Variants in CDK19 observed in about 807,000 individuals in gnomAD.
CDK19 encodes cyclin dependent kinase 19.
CDK19 carries 20 observed loss-of-function variants against 68.3 expected under a neutral mutation model. The ratio of observed to expected loss-of-function variants is 0.29; its 90% CI spans 0.21 to 0.43. CDK19 has a LOEUF of 0.43. Among genes scored for constraint, CDK19 ranks in the 20% least tolerant of loss-of-function variants. CDK19 has a pLI of 1.00. For missense variants in CDK19, 339 were observed against 623.5 expected, an observed-to-expected ratio of 0.54 and a Z score of 4.86; for synonymous variants, 221 against 222.8, an observed-to-expected ratio of 0.99 and a Z score of 0.07.
intron 2 of CDK19, among the ~76,000 whole-genome samples, chr6:110,696,981 T>A (rs1275400482): frequency 6.6e-6 from 1 of 150,542 alleles, no homozygotes; most frequent in Non-Finnish European, 1.5e-5. Flanking sequence ...ATTGCTTGAA[T>A]CCAGGAGGTG....
intron 2 of CDK19, among the ~76,000 whole-genome samples, chr6:110,721,470 G>A (rs111699793): frequency 1.1e-4 from 16 of 152,042 alleles, no homozygotes; most frequent in African/African-American, 2.7e-4. Flanking sequence ...TTGTGGGGGC[G>A]CAAATTCAAG....
intron 1 of CDK19, among the ~76,000 whole-genome samples, chr6:110,766,742 G>A (rs1355235927): frequency 6.6e-6 from 1 of 152,174 alleles, no homozygotes; most frequent in East Asian, 1.9e-4. Flanking sequence ...GCTCATGCCT[G>A]TAATCGCAGC....
rs1777987218 is a variant in CDK19, at chr6:110,610,852, T to C, written c.*3683A>G. 6.6e-6 allele frequency: 1 copy of C among 152,216 alleles called. No homozygotes were observed. Among genetic ancestry groups the C allele is most frequent in the African/African-American group, 2.4e-5 (1 of 41,452 alleles). The allele number at this position is 152,216 out of a possible 1,614,324, so 9.4% of individuals were successfully genotyped here. On this transcript the variant is annotated 3_prime_UTR_variant, in exon 13 of 13. Coordinates refer to ENST00000368911, the MANE Select transcript of CDK19 (RefSeq NM_015076.5). ...CATGTCTTATTTTCCAACTATTTTT[T>C]TCTTTTCTTTTACCTTTAGCAGAGA...
intron 2 of CDK19, among the ~76,000 whole-genome samples, chr6:110,738,355 CAA>C (rs200305300): frequency 1.3e-4 from 16 of 127,768 alleles, no homozygotes; most frequent in African/African-American, 3.2e-4. Context: ...GCTAAAAATA[CAA>C]AAAAAAAAAA....
chr6:110,779,556 T>C (rs1780649815), intron 1 of CDK19, among the ~76,000 whole-genome samples: 1 of 152,140 alleles, frequency 6.6e-6, no homozygotes, highest in Non-Finnish European at 1.5e-5. Flanking sequence ...GACTAGGGCA[T>C]AAAGAAGAAC....
chr6:110,774,266 TTA>T (rs1165674182), intron 1 of CDK19, among the ~76,000 whole-genome samples: 9 of 152,206 alleles, frequency 5.9e-5, no homozygotes, highest in African/African-American at 2.2e-4. Context: ...ACTTTTTAAA[TTA>T]TGTGAGAGCC....
chr6:110,664,358 T>C (rs548533734), intron 4 of CDK19, among the ~76,000 whole-genome samples: 3 of 152,204 alleles, frequency 2.0e-5, no homozygotes, highest in East Asian at 1.9e-4. Context: ...TGGCCTTGCA[T>C]AGATTCAGTC....
At chr6:110,624,000 A>G (rs1474956205) in intron 8 of CDK19, among the ~76,000 whole-genome samples, 1 of 151,144 alleles carries the variant, frequency 6.6e-6, no homozygotes, top group East Asian at 1.9e-4. Flanking sequence ...GTACATTTTT[A>G]TACATTCACA....
intron 2 of CDK19, among the ~76,000 whole-genome samples, chr6:110,689,253 T>C (rs60024840): frequency 0.16 from 23,860 of 152,030 alleles, 2,090 homozygotes; most frequent in East Asian, 0.32. Flanking sequence ...CTGCTTTCCT[T>C]GCATGCAGGG....
intron 1 of CDK19, chr6:110,814,757 G>A (rs1194468138): frequency 1.2e-5 from 8 of 649,738 alleles, no homozygotes; most frequent in Admixed American, 1.0e-4. Context: ...AGCACTCGGA[G>A]GGCGCCCCTC....
Position 110,613,392 on chromosome 6 carries a change from T to C in CDK19, c.*1143A>G, listed in dbSNP as rs1308695200. The C allele has an allele frequency of 6.6e-6, 1 of 152,640 alleles. No homozygotes were observed. The highest frequency in any genetic ancestry group is 2.4e-5 in the African/African-American group (1 of 41,452). 9.5% of individuals were successfully genotyped at this position (152,640 alleles called of 1,614,324 possible). ...GCATACATAATACATACTTTAAACA[T>C]GAATAAAACCTAAATTTTTAACATG... On this transcript the variant is annotated 3_prime_UTR_variant, in exon 13 of 13. Coordinates refer to ENST00000368911, the MANE Select transcript of CDK19 (RefSeq NM_015076.5).
intron 2 of CDK19, among the ~76,000 whole-genome samples, chr6:110,695,520 T>C (rs1773402195): frequency 1.3e-5 from 2 of 151,890 alleles, no homozygotes; most frequent in African/African-American, 2.4e-5. Context: ...CTAAATAAAA[T>C]TGAAACAAAA....
intron 1 of CDK19, among the ~76,000 whole-genome samples, chr6:110,798,362 T>C (rs1782095402): frequency 6.6e-6 from 1 of 152,138 alleles, no homozygotes; most frequent in South Asian, 2.1e-4. Flanking sequence ...TGATGGCTCC[T>C]GCCTGTGATC....
intron 2 of CDK19, among the ~76,000 whole-genome samples, chr6:110,674,838 G>A (rs1402403192): frequency 6.6e-6 from 1 of 151,454 alleles, no homozygotes; most frequent in Non-Finnish European, 1.5e-5. Flanking sequence ...GGAGGCAGAG[G>A]TTGCAGTGAG....
chr6:110,713,607 G>A (rs934194108), intron 2 of CDK19, among the ~76,000 whole-genome samples: 1 of 151,898 alleles, frequency 6.6e-6, no homozygotes, highest in African/African-American at 2.4e-5. Context: ...TGTTGCCCAG[G>A]CTGATTTCTA....
intron 9 of CDK19, among the ~76,000 whole-genome samples, 176 bp from the exon 10 acceptor site, chr6:110,623,088 G>A (rs184572134): frequency 6.6e-6 from 1 of 152,264 alleles, no homozygotes; most frequent in Non-Finnish European, 1.5e-5. Context: ...CAGCATTAAA[G>A]CCCTTATAAA....
intron 2 of CDK19, among the ~76,000 whole-genome samples, chr6:110,741,903 A>G (rs1777706051): frequency 6.6e-6 from 1 of 152,240 alleles, no homozygotes; most frequent in South Asian, 2.1e-4. Flanking sequence ...TTGCTGGTAT[A>G]CCTGATATAC....
Position 110,724,579 on chromosome 6 carries a change from G to T in CDK19, c.204+21547C>A, listed in dbSNP as rs1168364376. Among the ~76,000 whole-genome samples the T allele has an allele frequency of 2.6e-5, 4 of 152,080 alleles. No homozygotes were observed. The East Asian group carries it at 7.7e-4, about 29-fold the overall frequency. On this transcript the variant is annotated intron_variant, in intron 2 of 12. Coordinates refer to ENST00000368911, the MANE Select transcript of CDK19 (RefSeq NM_015076.5). ...CCAGTGGCTTTGTTTAGGATAGGCT[G>T]GCAGAGAGGCAAGGAGAACAGACAC...
chr6:110,791,270 TTAAAAG>T (rs1781578398), intron 1 of CDK19, among the ~76,000 whole-genome samples: 1 of 151,844 alleles, frequency 6.6e-6, no homozygotes, highest in Non-Finnish European at 1.5e-5. Flanking sequence ...GAATCAAATT[TTAAAAG>T]TAAAAGAAAA....
Sources: gnomAD v4.1 joint callset for allele counts (sites outside exome capture counted in the v4.1 genomes callset) on GRCh38, gnomAD v4.1.1 for gene constraint, MANE v1.5 for transcripts, NCBI Gene and HGNC (gene_info 2026-07-23, HGNC 2026-07-21) for gene names.